Variants in PDE3A observed in about 807,000 individuals in gnomAD.
PDE3A encodes cGMP-inhibited 3',5'-cyclic phosphodiesterase 3A.
In PDE3A, 43 loss-of-function variants were observed where a neutral mutation model predicts 98.3. The ratio of observed to expected loss-of-function variants is 0.44; its 90% CI spans 0.34 to 0.56. The LOEUF (loss-of-function observed/expected upper bound fraction) is 0.56, where lower values mean the gene tolerates loss of function less well. Among genes scored for constraint, PDE3A ranks in the 20% least tolerant of loss-of-function variants. The pLI is 0.01. For synonymous variants in PDE3A, 663 were observed against 567.9 expected, an observed-to-expected ratio of 1.17 and a Z score of -2.38; for missense variants, 1,427 against 1,440.7, an observed-to-expected ratio of 0.99 and a Z score of 0.15.
At chr12:20,544,597 G>A (rs781527280) in intron 1 of PDE3A, among the ~76,000 whole-genome samples, 2 of 151,848 alleles carry the variant, frequency 1.3e-5, no homozygotes, top group African/African-American at 4.8e-5. Context: ...CTGATACTTA[G>A]TTTGGACCCA....
chr12:20,424,703 T>C (rs1944575980), intron 1 of PDE3A, among the ~76,000 whole-genome samples: 1 of 152,186 alleles, frequency 6.6e-6, no homozygotes, highest in South Asian at 2.1e-4. Flanking sequence ...TAGAAAAATA[T>C]GCAAGTTTAT....
At position 20,645,527 on chromosome 12, in the gene PDE3A, G is replaced by A. The variant is rs568260070; in HGVS notation, c.2252-963G>A. Among the ~76,000 whole-genome samples, 13 of 152,130 alleles carry A rather than the reference G, an allele frequency of 8.5e-5. No homozygotes were observed. In the South Asian group the frequency reaches 2.7e-3, roughly 32 times the overall value. The stretch of plus-strand genomic sequence containing the variant: ...AAGGAAACAGTATCATGGTTGGTTA[G>A]CAGAAATACAATATATAAAGTATAG... On this transcript the variant is annotated intron_variant, in intron 10 of 15. Transcript: ENST00000359062.
At chr12:20,647,182 T>G (rs1291793133) in intron 12 of PDE3A, among the ~76,000 whole-genome samples, 1 of 152,148 alleles carries the variant, frequency 6.6e-6, no homozygotes, top group Non-Finnish European at 1.5e-5. Context: ...AGTTTTCTTC[T>G]TAGGAAGAAA....
intron 1 of PDE3A, among the ~76,000 whole-genome samples, chr12:20,499,675 T>A (rs1381637558): frequency 6.6e-6 from 1 of 152,192 alleles, no homozygotes; most frequent in East Asian, 1.9e-4. Flanking sequence ...TTACATATAT[T>A]CAATTTTCTT....
At chr12:20,651,771 T>G (rs12810680) in intron 14 of PDE3A, among the ~76,000 whole-genome samples, 7 of 98,856 alleles carry the variant, frequency 7.1e-5, no homozygotes, top group African/African-American at 2.0e-4. Flanking sequence ...TGAAAGATTT[T>G]TTTTATTTTA....
At chr12:20,548,298 G>A (rs774847075) in intron 1 of PDE3A, among the ~76,000 whole-genome samples, 1 of 151,998 alleles carries the variant, frequency 6.6e-6, no homozygotes, top group Non-Finnish European at 1.5e-5. Flanking sequence ...CAGACGGAAA[G>A]ATTTTATTTG....
intron 1 of PDE3A, among the ~76,000 whole-genome samples, chr12:20,387,831 T>C (rs750584386): frequency 6.6e-6 from 1 of 152,038 alleles, no homozygotes; most frequent in South Asian, 2.1e-4. Context: ...GAAGAGTTTT[T>C]AAATCACATG....
At position 20,530,676 on chromosome 12, in the gene PDE3A, C is replaced by T. The variant is rs375449739; in HGVS notation, c.961-25984C>T. Among the ~76,000 whole-genome samples the T allele has an allele frequency of 1.8e-4, 27 of 152,076 alleles. No individual in the cohort carries two copies. The East Asian group carries it at 4.3e-3, about 24-fold the overall frequency. The stretch of plus-strand genomic sequence containing the variant: ...GAATTGGTGCTATGGAAAAGTATTG[C>T]TTCAACCATTTCCCCCTTTTCAAGC... On this transcript the variant is annotated intron_variant, in intron 1 of 15. Coordinates refer to ENST00000359062, the MANE Select transcript of PDE3A (RefSeq NM_000921.5).
intron 1 of PDE3A, among the ~76,000 whole-genome samples, chr12:20,504,716 T>C (rs1370401316): frequency 6.6e-6 from 1 of 151,940 alleles, no homozygotes; most frequent in Non-Finnish European, 1.5e-5. Flanking sequence ...CAAAGGTGAG[T>C]TGATTCCTTC....
chr12:20,465,722 T>A (rs996920595), intron 1 of PDE3A, among the ~76,000 whole-genome samples: 10 of 152,138 alleles, frequency 6.6e-5, no homozygotes, highest in Non-Finnish European at 1.5e-4. Flanking sequence ...ACTTTTATTT[T>A]AAAAATTTAA....
chr12:20,633,586 G>T (rs775699214), intron 6 of PDE3A, 107 bp from the exon 7 acceptor site: 135 of 528,642 alleles, frequency 2.6e-4, no homozygotes, highest in Middle Eastern at 2.3e-3. Context: ...GCAGAAGGTA[G>T]AAATATTTGA....
chr12:20,632,653 G>T (rs574865545), intron 6 of PDE3A, among the ~76,000 whole-genome samples: 1 of 151,938 alleles, frequency 6.6e-6, no homozygotes, highest in Non-Finnish European at 1.5e-5. Context: ...CTGTTAGAGG[G>T]CATTGCTCAC....
Position 20,388,773 on chromosome 12 carries a change from AT to A in PDE3A, c.960+18533del, listed in dbSNP as rs1203553593. Among the ~76,000 whole-genome samples the A allele has an allele frequency of 2.0e-5, 3 of 152,094 alleles. No individual in the cohort carries two copies. In the East Asian group the frequency reaches 5.8e-4, roughly 30 times the overall value. ...ATTAACTTCAGTTTCATTTCCCAGG[AT>A]TTTGTTGAGTATTCCCTGCATTTCC... On this transcript the variant is annotated intron_variant, in intron 1 of 15. Coordinates refer to ENST00000359062, the MANE Select transcript of PDE3A (RefSeq NM_000921.5).
intron 1 of PDE3A, among the ~76,000 whole-genome samples, chr12:20,389,189 A>G (rs1943868843): frequency 6.6e-6 from 1 of 151,988 alleles, no homozygotes; most frequent in Non-Finnish European, 1.5e-5. Flanking sequence ...TTAAGGTGAC[A>G]GAGACTGGTA....
At chr12:20,486,503 A>G (rs2121026812) in intron 1 of PDE3A, among the ~76,000 whole-genome samples, 1 of 152,306 alleles carries the variant, frequency 6.6e-6, no homozygotes, top group South Asian at 2.1e-4. Context: ...AGAGGGATAC[A>G]TTCATTAAGA....
chr12:20,430,087 C>T (rs11045241), intron 1 of PDE3A, among the ~76,000 whole-genome samples: 52,052 of 151,926 alleles, frequency 0.34, 9,068 homozygotes, highest in Admixed American at 0.44. Flanking sequence ...AACTGTTTGC[C>T]AGTATCGCTT....
At chr12:20,545,786 A>AAAAAAAC (rs1555159463) in intron 1 of PDE3A, among the ~76,000 whole-genome samples, 1 of 149,270 alleles carries the variant, frequency 6.7e-6, no homozygotes, top group African/African-American at 2.4e-5. Context: ...CCAAAAAAAA[A>AAAAAAAC]AAAACAAAAC....
intron 1 of PDE3A, among the ~76,000 whole-genome samples, chr12:20,526,837 C>T (rs1325930557): frequency 6.7e-6 from 1 of 150,024 alleles, no homozygotes; most frequent in Admixed American, 6.7e-5. Context: ...AACTGTGAAG[C>T]TAATAAAACA....
intron 1 of PDE3A, among the ~76,000 whole-genome samples, chr12:20,431,103 C>G (rs1171555107): frequency 6.6e-6 from 1 of 151,934 alleles, no homozygotes; most frequent in East Asian, 1.9e-4. Context: ...ATTATCTGCC[C>G]GTCTTTATTA....
Sources: allele counts gnomAD v4.1 joint callset (sites outside exome capture counted in the v4.1 genomes callset), GRCh38; gene constraint gnomAD v4.1.1; transcripts MANE v1.5; gene names NCBI Gene and HGNC (gene_info 2026-07-23, HGNC 2026-07-21).